ATCAY: variants seen among roughly 807,000 people sequenced by gnomAD.
ATCAY encodes the protein ATCAY kinesin light chain interacting caytaxin, also known as caytaxin.
Under a neutral mutation model 47.7 loss-of-function variants are expected in ATCAY, and 22 were observed. The ratio of observed to expected loss-of-function variants is 0.46; its 90% CI spans 0.33 to 0.66. The LOEUF is 0.66. ATCAY is among the 30% of genes least tolerant of loss of function. ATCAY has a pLI of 0.02. For synonymous variants in ATCAY, 216 were observed against 207.6 expected, an observed-to-expected ratio of 1.04 and a Z score of -0.35; for missense variants, 452 against 515.0, an observed-to-expected ratio of 0.88 and a Z score of 1.18.
chr19:3,899,461 G>A (rs1489230371), intron 2 of ATCAY, among the ~76,000 whole-genome samples: 4 of 151,728 alleles, frequency 2.6e-5, no homozygotes, highest in African/African-American at 4.8e-5. Context: ...CTGCAAGCAC[G>A]CACCACCACG....
At chr19:3,892,079 G>A (rs893147720) in intron 2 of ATCAY, among the ~76,000 whole-genome samples, 3 of 151,916 alleles carry the variant, frequency 2.0e-5, no homozygotes, top group Non-Finnish European at 4.4e-5. Context: ...TAGCAGAGAT[G>A]GGGTTTCACC....
intron 8 of ATCAY, among the ~76,000 whole-genome samples, chr19:3,913,509 A>C (rs2038939732): frequency 6.6e-6 from 1 of 152,168 alleles, no homozygotes; most frequent in Non-Finnish European, 1.5e-5. Flanking sequence ...TCCTCATTGC[A>C]GGGACCCATG....
chr19:3,914,441 T>C (rs2038950060), intron 9 of ATCAY, among the ~76,000 whole-genome samples: 1 of 151,846 alleles, frequency 6.6e-6, no homozygotes, highest in South Asian at 2.1e-4. Flanking sequence ...CCTGCCCCCA[T>C]GATTCAGTGA....
At chr19:3,903,982 CAAAAAA>C (rs59631453) in intron 3 of ATCAY, among the ~76,000 whole-genome samples, 12 of 79,062 alleles carry the variant, frequency 1.5e-4, no homozygotes, top group Admixed American at 2.7e-4. Flanking sequence ...ACTAAAGATA[CAAAAAA>C]AAAAAAAAAA....
chr19:3,924,815 AG>A lies in ATCAY; in HGVS notation c.*226del. The stretch of plus-strand genomic sequence containing the variant: ...ATGCAGTATTTGTGCGTTCCAGAAA[AG>A]GGCCCAGCTCTGAGCCCCTCACCCT... On this transcript the variant is annotated 3_prime_UTR_variant, in exon 13 of 13. Coordinates refer to ENST00000450849, the MANE Select transcript of ATCAY (RefSeq NM_033064.5). 1.8e-6 allele frequency: 1 copy of A among 549,284 alleles called. No homozygotes were observed. The highest frequency in any genetic ancestry group is 3.2e-6 in the Non-Finnish European group (1 of 307,782). The allele number at this position is 549,284 out of a possible 1,614,324, so 34.0% of individuals were successfully genotyped here.
In ATCAY at chr19:3,907,876, C is replaced by A. The variant is rs376914878; in HGVS notation, c.501C>A (p.Asp167Glu). The A allele has an allele frequency of 6.2e-7, 1 of 1,613,832 alleles. No homozygotes were observed. Among genetic ancestry groups the A allele is most frequent in the Non-Finnish European group, 8.5e-7 (1 of 1,179,856 alleles). ...VIIGEQEHRI[D>E]LHMIRPYMKV... ...TCGGGGAGCAAGAGCACCGTATAGA[C>A]CTGCACATGATCCGGCCTTACATGA... The change falls in exon 5 of 13, where the codon GAC becomes GAA. Residue 167 changes from aspartate (D) to glutamate (E), a missense_variant. Physicochemically the swap from Asp to Glu is conservative, Grantham distance 45. Coordinates refer to ENST00000450849, the MANE Select transcript of ATCAY (RefSeq NM_033064.5). This position sits in a 1 kb window ranked among gnomAD's most constrained non-coding sequence, Gnocchi z 5.1.
At chr19:3,906,304 GT>G (rs59261448) in intron 4 of ATCAY, among the ~76,000 whole-genome samples, 8,569 of 135,202 alleles carry the variant, frequency 0.063, 805 homozygotes, top group African/African-American at 0.22. Flanking sequence ...TCCTGCGACT[GT>G]TTTTTTTTTT....
In ATCAY at chr19:3,886,593, GA is replaced by G. The variant is rs374891496; in HGVS notation, c.77+762del. 8.8e-3 allele frequency among the ~76,000 whole-genome samples: 1,090 copies of G among 123,718 alleles called. 16 individuals carry two copies. Among genetic ancestry groups the G allele is most frequent in the African/African-American group, 0.027 (876 of 32,476 alleles). 81.2% of individuals were successfully genotyped at this position (123,718 alleles called of 152,430 possible). Reference sequence around the variant, plus strand: ...CGACAGGTGAGACTCCATCTCAAAAGAAAAAAAAAAAAATTAGCTGGGTATG... The same window carrying G: ...CGACAGGTGAGACTCCATCTCAAAAGAAAAAAAAAAAATTAGCTGGGTATG... On this transcript the variant is annotated intron_variant, in intron 2 of 12. Transcript: ENST00000450849.
chr19:3,904,514 C>T (rs1568448107), intron 3 of ATCAY, among the ~76,000 whole-genome samples: 1 of 152,192 alleles, frequency 6.6e-6, no homozygotes. Flanking sequence ...CTAGGCGTCC[C>T]GCCTGCTGGC....
chr19:3,911,171 C>G (rs1186417541), intron 8 of ATCAY, among the ~76,000 whole-genome samples: 1 of 152,034 alleles, frequency 6.6e-6, no homozygotes, highest in African/African-American at 2.4e-5. Context: ...TTGAGGCCAG[C>G]CTGAGCAACA....
intron 2 of ATCAY, among the ~76,000 whole-genome samples, chr19:3,888,604 C>T (rs926402533): frequency 3.3e-5 from 5 of 151,826 alleles, no homozygotes; most frequent in Non-Finnish European, 7.4e-5. Flanking sequence ...GACTCCAGCC[C>T]GGGCAGTAGA....
chr19:3,881,693 A>T (rs1375487981), intron 1 of ATCAY, among the ~76,000 whole-genome samples: 1 of 32,292 alleles, frequency 3.1e-5, no homozygotes, highest in African/African-American at 1.2e-4. Context: ...TGCAGCTGGC[A>T]GGGGGTGGGG....
intron 9 of ATCAY, among the ~76,000 whole-genome samples, chr19:3,915,037 T>A (rs2038955136): frequency 6.6e-6 from 1 of 152,156 alleles, no homozygotes; most frequent in African/African-American, 2.4e-5. Context: ...CCTGTTGTTT[T>A]TCACTGAATG....
chr19:3,910,833 C>T lies in ATCAY; in HGVS notation c.810C>T (p.Ile270=), dbSNP rs61746441. Residue 270 remains isoleucine, a synonymous_variant, in exon 8 of 13, where the codon ATC becomes ATT. Coordinates refer to ENST00000450849, the MANE Select transcript of ATCAY (RefSeq NM_033064.5). ...GGAAAAACCTGAAGTCCTTGATCAT[C>T]GTCCACCCCTCGTGGTTCATTCGGA... is the stretch of plus-strand genomic sequence containing the variant. ...RLRKNLKSLI[I]VHPSWFIRTV... The T allele has an allele frequency of 1.8e-3, 2,913 of 1,614,034 alleles. 55 individuals carry two copies. The African/African-American group carries it at 0.034, about 19-fold the overall frequency.
intron 2 of ATCAY, among the ~76,000 whole-genome samples, chr19:3,886,132 C>G (rs187888755): frequency 6.6e-6 from 1 of 152,160 alleles, no homozygotes; most frequent in Non-Finnish European, 1.5e-5. Flanking sequence ...AAGGACCCCC[C>G]ACCCCTACAC....
At chr19:3,909,904 T>G (rs913263537) in intron 7 of ATCAY, among the ~76,000 whole-genome samples, 1 of 152,254 alleles carries the variant, frequency 6.6e-6, no homozygotes, top group East Asian at 1.9e-4. Context: ...GGCCAACATA[T>G]AGTGAAACCC....
intron 2 of ATCAY, among the ~76,000 whole-genome samples, chr19:3,888,279 T>C (rs755132944): frequency 9.9e-5 from 15 of 151,998 alleles, no homozygotes; most frequent in Middle Eastern, 3.2e-3. Flanking sequence ...ATAGAAACTA[T>C]TGGGTGAGGT....
chr19:3,914,612 G>A (rs2145257820), intron 9 of ATCAY, among the ~76,000 whole-genome samples: 1 of 152,172 alleles, frequency 6.6e-6, no homozygotes, highest in East Asian at 1.9e-4. Flanking sequence ...CTTGAGGTCA[G>A]GAGTTCGAGA....
intron 2 of ATCAY, among the ~76,000 whole-genome samples, chr19:3,896,432 TA>T (rs1161057041): frequency 1.3e-5 from 2 of 151,790 alleles, no homozygotes; most frequent in African/African-American, 4.8e-5. Context: ...CACACCCAGC[TA>T]ATTTTGTGTT....
Sources: gnomAD v4.1 joint callset for allele counts (sites outside exome capture counted in the v4.1 genomes callset) on GRCh38, gnomAD v4.1.1 for gene constraint, Gnocchi (gnomAD v3.1) non-coding constraint, MANE v1.5 for transcripts, NCBI Gene and HGNC (gene_info 2026-07-23, HGNC 2026-07-21) for gene names.